CADPS2: variants seen among roughly 807,000 people sequenced by gnomAD.
The protein encoded by CADPS2 is calcium-dependent secretion activator 2.
Under a neutral mutation model 172.5 loss-of-function variants are expected in CADPS2, and 93 were observed. The observed-to-expected ratio is 0.54, with a 90% confidence interval of 0.46 to 0.64. The LOEUF (loss-of-function observed/expected upper bound fraction) is 0.64, where lower values mean the gene tolerates loss of function less well. Ranked by LOEUF, CADPS2 falls within the 30% of genes least tolerant of loss-of-function variation. The probability of loss-of-function intolerance (pLI) is 0.00; values close to 1 mark genes in which losing one functional copy is unlikely to be tolerated. For missense variants in CADPS2, 1,420 were observed against 1,565.9 expected (o/e 0.91, Z 1.57); for synonymous variants, 546 against 555.2 (o/e 0.98, Z 0.23).
At chr7:122,578,389 G>A (rs894407767) in intron 7 of CADPS2, among the ~76,000 whole-genome samples, 1 of 152,072 alleles carries the variant, frequency 6.6e-6, no homozygotes, top group African/African-American at 2.4e-5. Flanking sequence ...AAGAAAGCAC[G>A]GTGTAAGGAA....
intron 9 of CADPS2, among the ~76,000 whole-genome samples, chr7:122,494,630 T>G (rs1586615773): frequency 6.6e-6 from 1 of 151,658 alleles, no homozygotes; most frequent in East Asian, 1.9e-4. Context: ...TTATTTTATT[T>G]TATAGTGTTG....
At chr7:122,692,824 C>T (rs185274043) in intron 2 of CADPS2, among the ~76,000 whole-genome samples, 5 of 151,750 alleles carry the variant, frequency 3.3e-5, no homozygotes, top group South Asian at 2.1e-4. Context: ...ACAGCTCTCA[C>T]GCACTGTTCT....
intron 9 of CADPS2, among the ~76,000 whole-genome samples, chr7:122,507,875 G>A (rs1038196044): frequency 4.6e-5 from 7 of 151,876 alleles, no homozygotes; most frequent in African/African-American, 1.7e-4. Flanking sequence ...CTGCCATGAG[G>A]GTAAGGAAAA....
intron 28 of CADPS2, among the ~76,000 whole-genome samples, chr7:122,338,216 G>GGCAACCC (rs2036201278): frequency 2.6e-5 from 4 of 152,160 alleles, no homozygotes; most frequent in Admixed American, 2.6e-4. Flanking sequence ...GGGCAACGTG[G>GGCAACCC]TGAAACCCTG....
At chr7:122,856,985 T>C (rs949667848) in intron 1 of CADPS2, among the ~76,000 whole-genome samples, 5 of 152,210 alleles carry the variant, frequency 3.3e-5, no homozygotes, top group African/African-American at 9.6e-5. Flanking sequence ...TCCAGGAATA[T>C]TGTGAAACCC....
intron 1 of CADPS2, among the ~76,000 whole-genome samples, chr7:122,788,316 A>C (rs981378165): frequency 1.3e-5 from 2 of 152,162 alleles, no homozygotes; most frequent in African/African-American, 4.8e-5. Context: ...TGTCTGGAGG[A>C]TCTAAGTTAC....
At chr7:122,666,528 G>A (rs12706434) in intron 2 of CADPS2, among the ~76,000 whole-genome samples, 7,749 of 152,016 alleles carry the variant, frequency 0.051, 255 homozygotes, top group African/African-American at 0.058. Flanking sequence ...ATTTTTAGTA[G>A]AGACAGGGTT....
At chr7:122,632,222 G>A (rs2076644078) in intron 3 of CADPS2, among the ~76,000 whole-genome samples, 1 of 152,172 alleles carries the variant, frequency 6.6e-6, no homozygotes, top group Non-Finnish European at 1.5e-5. Flanking sequence ...TACATACCCA[G>A]TAGTAGGATT....
chr7:122,327,734 C>T (rs1419973501), intron 28 of CADPS2, among the ~76,000 whole-genome samples: 2 of 151,456 alleles, frequency 1.3e-5, no homozygotes, highest in African/African-American at 2.4e-5. Context: ...TTATTTAATA[C>T]AATGCCAAAA....
chr7:122,842,025 G>T (rs1189398624), intron 1 of CADPS2, among the ~76,000 whole-genome samples: 1 of 152,208 alleles, frequency 6.6e-6, no homozygotes, highest in African/African-American at 2.4e-5. Context: ...GTTAGCAGCA[G>T]CTGAGTTGTT....
rs555266405 is a variant in CADPS2, at chr7:122,800,852, G to A, written c.340-63784C>T. On this transcript the variant is annotated intron_variant, in intron 1 of 29. Transcript: ENST00000449022. ...CTAAAAATACAAAAATTAGCCGGGCGTGGTGGCACATGCCTGTAATCCCAG... is the reference window on the plus strand; with the variant it reads ...CTAAAAATACAAAAATTAGCCGGGCATGGTGGCACATGCCTGTAATCCCAG... Among the ~76,000 whole-genome samples the A allele has an allele frequency of 5.9e-5, 9 of 152,094 alleles. No individual in the cohort carries two copies. The South Asian group carries it at 1.0e-3, about 17-fold the overall frequency.
intron 2 of CADPS2, among the ~76,000 whole-genome samples, chr7:122,734,874 T>G (rs1056789041): frequency 7.2e-5 from 11 of 152,100 alleles, no homozygotes; most frequent in African/African-American, 2.7e-4. Context: ...ATGTTAGATA[T>G]AGTTTCACGA....
At chr7:122,533,706 G>A (rs2061979534) in intron 8 of CADPS2, among the ~76,000 whole-genome samples, 2 of 152,130 alleles carry the variant, frequency 1.3e-5, no homozygotes, top group South Asian at 2.1e-4. Context: ...ATTGACCTAA[G>A]TAGAAGAGCT....
At chr7:122,529,074 T>C (rs1395909009) in intron 8 of CADPS2, among the ~76,000 whole-genome samples, 3 of 152,144 alleles carry the variant, frequency 2.0e-5, no homozygotes, top group Non-Finnish European at 4.4e-5. Context: ...ACTGGACATA[T>C]ACATATTATT....
intron 17 of CADPS2, among the ~76,000 whole-genome samples, chr7:122,418,363 G>A (rs1043721751): frequency 6.6e-6 from 1 of 152,142 alleles, no homozygotes; most frequent in Non-Finnish European, 1.5e-5. Flanking sequence ...ACTTGAACAC[G>A]TGGGCTCTTG....
At chr7:122,417,405 T>C (rs1419205565) in intron 17 of CADPS2, among the ~76,000 whole-genome samples, 1 of 152,202 alleles carries the variant, frequency 6.6e-6, no homozygotes, top group African/African-American at 2.4e-5. Flanking sequence ...ACAGTAATTC[T>C]TTTGAAAAAT....
intron 1 of CADPS2, among the ~76,000 whole-genome samples, chr7:122,773,505 T>C (rs1047630691): frequency 5.9e-5 from 9 of 152,018 alleles, no homozygotes; most frequent in African/African-American, 2.2e-4. Context: ...TGGATCACTT[T>C]AATACTGTGC....
At chr7:122,510,486 T>C (rs1217011021) in intron 9 of CADPS2, among the ~76,000 whole-genome samples, 1 of 152,188 alleles carries the variant, frequency 6.6e-6, no homozygotes, top group Non-Finnish European at 1.5e-5. Context: ...GAGTGTTCAC[T>C]TTGAACAATG....
chr7:122,869,193 T>C (rs927136925), intron 1 of CADPS2, among the ~76,000 whole-genome samples: 6 of 151,940 alleles, frequency 3.9e-5, no homozygotes, highest in African/African-American at 1.4e-4. Context: ...GAAATCCAGA[T>C]CCAAGAACCT....
Sources: gnomAD v4.1 joint callset for allele counts (sites outside exome capture counted in the v4.1 genomes callset) on GRCh38, gnomAD v4.1.1 for gene constraint, MANE v1.5 for transcripts, NCBI Gene and HGNC (gene_info 2026-07-23, HGNC 2026-07-21) for gene names.